Variants in SHISA9 observed in about 807,000 individuals in gnomAD.
The protein encoded by SHISA9 is shisa family member 9, also known as protein shisa-9.
Under a neutral mutation model 38.0 loss-of-function variants are expected in SHISA9, and 13 were observed. That is an observed-to-expected ratio of 0.34 (90% CI 0.22 to 0.54). The LOEUF (loss-of-function observed/expected upper bound fraction) is 0.54, where lower values mean the gene tolerates loss of function less well. Ranked by LOEUF, SHISA9 falls within the 20% of genes least tolerant of loss-of-function variation. The pLI, the probability that SHISA9 is intolerant of heterozygous loss-of-function variation, is 0.91. For missense variants in SHISA9, 538 were observed against 575.8 expected (o/e 0.93, Z 0.67); for synonymous variants, 275 against 242.0 (o/e 1.14, Z -1.27).
intron 2 of SHISA9, among the ~76,000 whole-genome samples, chr16:13,008,633 T>TCCAC: frequency 1.1e-5 from 1 of 90,072 alleles, no homozygotes; most frequent in African/African-American, 4.6e-5. Context: ...TCTCCCTCTC[T>TCCAC]CCTCCCTCCC....
chr16:12,919,152 G>A (rs988365832), intron 2 of SHISA9, among the ~76,000 whole-genome samples: 1 of 149,334 alleles, frequency 6.7e-6, no homozygotes, highest in African/African-American at 2.4e-5. Flanking sequence ...AAGAAGCCAA[G>A]CAGTCATCAG....
intron 2 of SHISA9, among the ~76,000 whole-genome samples, chr16:13,140,763 A>G (rs1036782480): frequency 3.3e-5 from 5 of 152,192 alleles, no homozygotes; most frequent in African/African-American, 1.2e-4. Context: ...TGAATTCTGT[A>G]GGGAGGGTTT....
At chr16:13,034,349 C>G (rs574268388) in intron 2 of SHISA9, among the ~76,000 whole-genome samples, 1 of 152,116 alleles carries the variant, frequency 6.6e-6, no homozygotes, top group East Asian at 1.9e-4. Flanking sequence ...TCTGTTTCAC[C>G]TCCTGGCCCA....
chr16:13,038,552 A>G (rs899857380), intron 2 of SHISA9, among the ~76,000 whole-genome samples: 50 of 152,112 alleles, frequency 3.3e-4, no homozygotes, highest in Non-Finnish European at 1.6e-4. Flanking sequence ...TACTGCTCCT[A>G]CTGACTAGAA....
At chr16:13,490,619 G>A in the SHISA9 span, among the ~76,000 whole-genome samples, 2 of 152,168 alleles carry the variant, frequency 1.3e-5, no homozygotes, top group African/African-American at 4.8e-5. Context: ...GGTAAACTGA[G>A]TCTGAGTCTT....
intron 2 of SHISA9, among the ~76,000 whole-genome samples, chr16:13,168,108 T>A (rs1375487911): frequency 6.6e-6 from 1 of 152,116 alleles, no homozygotes; most frequent in Non-Finnish European, 1.5e-5. Context: ...CTGGAGATAG[T>A]AAAGGACTTA....
chr16:12,967,492 T>A (rs1443301320), intron 2 of SHISA9, among the ~76,000 whole-genome samples: 1 of 152,012 alleles, frequency 6.6e-6, no homozygotes, highest in Non-Finnish European at 1.5e-5. Context: ...CACACCAATA[T>A]GGCACATGTA....
chr16:13,374,574 A>G, the SHISA9 span, among the ~76,000 whole-genome samples: 1 of 152,170 alleles, frequency 6.6e-6, no homozygotes, highest in Non-Finnish European at 1.5e-5. Flanking sequence ...ATTGATGGAC[A>G]TTTGGGTTGG....
At chr16:13,505,032 G>C in the SHISA9 span, among the ~76,000 whole-genome samples, 1 of 152,096 alleles carries the variant, frequency 6.6e-6, no homozygotes, top group Non-Finnish European at 1.5e-5. Flanking sequence ...TTAGAGAAAG[G>C]CTGCTCGGTG....
the SHISA9 span, among the ~76,000 whole-genome samples, chr16:13,487,636 G>A: frequency 2.6e-5 from 4 of 152,140 alleles, no homozygotes; most frequent in African/African-American, 7.2e-5. Flanking sequence ...ATGAGATTTG[G>A]GTGGGACATC....
chr16:13,438,667 T>C, the SHISA9 span, among the ~76,000 whole-genome samples: 1 of 152,236 alleles, frequency 6.6e-6, no homozygotes, highest in East Asian at 1.9e-4. Flanking sequence ...AATAATCATT[T>C]CATTATGACT....
chr16:13,390,641 T>C, the SHISA9 span, among the ~76,000 whole-genome samples: 5 of 152,234 alleles, frequency 3.3e-5, no homozygotes, highest in African/African-American at 1.2e-4. Context: ...CAGTCTCATC[T>C]GTCAACATGC....
At chr16:12,990,584 C>T (rs1459513140) in intron 2 of SHISA9, among the ~76,000 whole-genome samples, 3 of 152,122 alleles carry the variant, frequency 2.0e-5, no homozygotes, top group Admixed American at 6.6e-5. Context: ...TTTGGATCAG[C>T]GATTCTCAAT....
chr16:13,342,848 T>C, the SHISA9 span, among the ~76,000 whole-genome samples: 81 of 152,258 alleles, frequency 5.3e-4, 1 homozygote, highest in East Asian at 0.013. Flanking sequence ...CACCCAGCAC[T>C]AGATGCAGTA....
At chr16:13,544,081 G>A in the SHISA9 span, among the ~76,000 whole-genome samples, 1 of 152,006 alleles carries the variant, frequency 6.6e-6, no homozygotes. Flanking sequence ...ACATTTAGAG[G>A]GAGGCAGTCT....
intron 2 of SHISA9, among the ~76,000 whole-genome samples, chr16:13,069,414 ATG>A (rs568428253): frequency 1.6e-4 from 25 of 151,952 alleles, no homozygotes; most frequent in African/African-American, 5.3e-4. Flanking sequence ...CAATGTGTGC[ATG>A]TGTGTGTATG....
the SHISA9 span, chr16:13,562,821 T>C: frequency 2.2e-4 from 33 of 151,920 alleles, no homozygotes; most frequent in South Asian, 6.2e-4. Context: ...TAAAACAAAT[T>C]GCCCTCCGTG....
intron 2 of SHISA9, among the ~76,000 whole-genome samples, chr16:12,980,602 T>C (rs1052228273): frequency 6.6e-6 from 1 of 152,016 alleles, no homozygotes; most frequent in African/African-American, 2.4e-5. Context: ...TTTTGGAACT[T>C]TTTTAAAATC....
At chr16:13,184,995 G>T (rs1158207264) in intron 2 of SHISA9, among the ~76,000 whole-genome samples, 1 of 152,096 alleles carries the variant, frequency 6.6e-6, no homozygotes, top group Admixed American at 6.6e-5. Context: ...TGTCTAAAAA[G>T]AAACTATTTT....
Sources: allele counts gnomAD v4.1 joint callset (sites outside exome capture counted in the v4.1 genomes callset), GRCh38; gene constraint gnomAD v4.1.1; transcripts MANE v1.5; gene names NCBI Gene and HGNC (gene_info 2026-07-23, HGNC 2026-07-21).